Variants in RYR2 observed in about 807,000 individuals in gnomAD.
RYR2 encodes the protein cardiac muscle ryanodine receptor-calcium release channel.
A neutral mutation model predicts 601.1 loss-of-function variants in RYR2; 227 were observed. The observed-to-expected ratio is 0.38, with a 90% CI of 0.34 to 0.42. The LOEUF is 0.42. RYR2 is among the 10% of genes least tolerant of loss of function. The probability of loss-of-function intolerance (pLI) is 1.00; values close to 1 mark genes in which losing one functional copy is unlikely to be tolerated. For synonymous variants in RYR2, 2,223 were observed against 2,175.1 expected (o/e 1.02, Z -0.61); for missense variants, 4,646 against 6,156.5 (o/e 0.75, Z 8.21).
At chr1:237,405,698 C>T (rs1703794818) in intron 10 of RYR2, among the ~76,000 whole-genome samples, 1 of 151,872 alleles carries the variant, frequency 6.6e-6, no homozygotes, top group African/African-American at 2.4e-5. Context: ...GATTTTAGGT[C>T]CTATTGATTT....
At chr1:237,218,858 T>A (rs1381541907) in intron 1 of RYR2, among the ~76,000 whole-genome samples, 3 of 152,072 alleles carry the variant, frequency 2.0e-5, no homozygotes, top group Non-Finnish European at 4.4e-5. Context: ...GTACATCAGT[T>A]GGGATGCTTT....
intron 3 of RYR2, among the ~76,000 whole-genome samples, chr1:237,338,420 C>T (rs1441036295): frequency 1.3e-5 from 2 of 152,122 alleles, no homozygotes; most frequent in African/African-American, 4.8e-5. Flanking sequence ...AGTATATTTT[C>T]ATATTGCATG....
intron 1 of RYR2, among the ~76,000 whole-genome samples, chr1:237,214,600 C>T (rs1239181193): frequency 5.9e-5 from 9 of 152,160 alleles, no homozygotes; most frequent in Non-Finnish European, 8.8e-5. Context: ...CACTTCCTAC[C>T]GGGTTCCACC....
chr1:237,502,959 A>G (rs865953454), intron 21 of RYR2, among the ~76,000 whole-genome samples: 2 of 152,158 alleles, frequency 1.3e-5, no homozygotes, highest in Admixed American at 1.3e-4. Context: ...TGGGACTTTA[A>G]GTGACCAGTT....
chr1:237,593,775 C>T (rs1273781598), intron 33 of RYR2, 139 bp downstream of exon 33: 5 of 894,162 alleles, frequency 5.6e-6, no homozygotes, highest in South Asian at 5.2e-5. Flanking sequence ...ATGTCAATGT[C>T]GTTTTTGTTA....
chr1:237,831,109 T>C (rs1663730265), intron 103 of RYR2, among the ~76,000 whole-genome samples: 1 of 152,206 alleles, frequency 6.6e-6, no homozygotes, highest in African/African-American at 2.4e-5. Context: ...GGTAAAATGC[T>C]ATTCTTACTC....
chr1:237,591,602 A>G (rs1297833982), intron 31 of RYR2, 137 bp from the exon 32 acceptor site: 4 of 679,024 alleles, frequency 5.9e-6, no homozygotes, highest in Non-Finnish European at 1.0e-5. Flanking sequence ...AAAAACATGT[A>G]TTTTCAGATA....
At chr1:237,139,006 A>G (rs74587768) in intron 1 of RYR2, among the ~76,000 whole-genome samples, 2,998 of 152,354 alleles carry the variant, frequency 0.02, 110 homozygotes, top group East Asian at 0.14. Context: ...TAGAGTTACC[A>G]TATGAACCAG....
At chr1:237,179,014 C>T (rs1050304292) in intron 1 of RYR2, among the ~76,000 whole-genome samples, 4 of 152,136 alleles carry the variant, frequency 2.6e-5, no homozygotes, top group African/African-American at 9.7e-5. Flanking sequence ...TCTGAGATCC[C>T]TATTTTGTTA....
In RYR2 at chr1:237,651,434, A is replaced by T; in HGVS notation, c.7757A>T (p.Gln2586Leu). Residue 2586 changes from glutamine to leucine, a missense_variant, in exon 51 of 105, where the codon CAG (glutamine) becomes CTG (leucine). Coordinates refer to ENST00000366574, the MANE Select transcript of RYR2 (RefSeq NM_001035.3). ...AGACAACTGAGACCTTCTATGATGC[A>T]GCACTTACTCAGAAGATTAGTATTT... is the stretch of plus-strand genomic sequence containing the variant. Reference protein sequence around the residue: ...ICGQLRPSMMQHLLRRLVFDV... With the variant: ...ICGQLRPSMMLHLLRRLVFDV... 1 of 1,596,712 alleles carries T rather than the reference A, an allele frequency of 6.3e-7. No homozygotes were observed.
At chr1:237,073,746 C>T (rs990608192) in intron 1 of RYR2, among the ~76,000 whole-genome samples, 3 of 151,604 alleles carry the variant, frequency 2.0e-5, no homozygotes, top group African/African-American at 7.3e-5. Flanking sequence ...TGGCATGCAC[C>T]TGTAGTCCCA....
chr1:237,629,471 C>A (rs1437924625), intron 41 of RYR2, among the ~76,000 whole-genome samples: 2 of 150,780 alleles, frequency 1.3e-5, no homozygotes, highest in Non-Finnish European at 3.0e-5. Context: ...AAGAACAATA[C>A]CTAAACATAA....
At chr1:237,306,845 CAAGCCTT>C (rs979331937) in intron 2 of RYR2, among the ~76,000 whole-genome samples, 1 of 152,154 alleles carries the variant, frequency 6.6e-6, no homozygotes, top group African/African-American at 2.4e-5. Flanking sequence ...ATGGTAGAAT[CAAGCCTT>C]ATTTGGGCCT....
intron 23 of RYR2, among the ~76,000 whole-genome samples, chr1:237,509,854 G>A (rs1478697083): frequency 6.6e-6 from 1 of 152,188 alleles, no homozygotes; most frequent in Non-Finnish European, 1.5e-5. Flanking sequence ...TGACCGTGTA[G>A]TAGGCAGAGG....
chr1:237,323,743 A>G (rs936415504), intron 2 of RYR2, among the ~76,000 whole-genome samples: 2 of 152,192 alleles, frequency 1.3e-5, no homozygotes, highest in African/African-American at 4.8e-5. Flanking sequence ...ACTCATTTAA[A>G]CGTGCTGCTA....
intron 97 of RYR2, 54 bp from the exon 98 acceptor site, chr1:237,801,802 A>T (rs1660003076): frequency 1.7e-6 from 2 of 1,152,212 alleles, no homozygotes; most frequent in African/African-American, 3.0e-5. Context: ...TCGCAAGCCT[A>T]TGAGTCTTTG....
chr1:237,102,195 G>A (rs965241106), intron 1 of RYR2, among the ~76,000 whole-genome samples: 1 of 152,208 alleles, frequency 6.6e-6, no homozygotes, highest in African/African-American at 2.4e-5. Context: ...TTGAGGAACA[G>A]GACAGACAGG....
intron 35 of RYR2, among the ~76,000 whole-genome samples, chr1:237,605,216 T>A (rs1429832367): frequency 6.6e-6 from 1 of 152,154 alleles, no homozygotes; most frequent in Non-Finnish European, 1.5e-5. Flanking sequence ...TCAAAAAGCT[T>A]ATCCACCATG....
intron 1 of RYR2, among the ~76,000 whole-genome samples, chr1:237,218,994 G>A (rs1296038664): frequency 6.7e-6 from 1 of 148,420 alleles, no homozygotes. Flanking sequence ...CCATCTTTCT[G>A]CTTTCCTTAT....
Sources: gnomAD v4.1 joint callset for allele counts (sites outside exome capture counted in the v4.1 genomes callset) on GRCh38, gnomAD v4.1.1 for gene constraint, MANE v1.5 for transcripts, NCBI Gene and HGNC (gene_info 2026-07-23, HGNC 2026-07-21) for gene names.